Variants in EEIG2 observed in about 807,000 individuals in gnomAD.
EEIG2 encodes family with sequence similarity 102 member B.
the EEIG2 span, among the ~76,000 whole-genome samples, chr1:108,592,895 C>T: frequency 2.0e-5 from 3 of 152,218 alleles, no homozygotes; most frequent in South Asian, 4.2e-4. Context: ...TGGTGGCTCT[C>T]GCCTGTAATC....
At chr1:108,628,199 G>T in the EEIG2 span, 5 of 1,614,004 alleles carry the variant, frequency 3.1e-6, no homozygotes, top group Non-Finnish European at 3.4e-6. Flanking sequence ...TGTTCCAGAC[G>T]AACTTGGTGC....
chr1:108,587,502 G>C, the EEIG2 span, among the ~76,000 whole-genome samples: 1 of 152,062 alleles, frequency 6.6e-6, no homozygotes, highest in East Asian at 1.9e-4. Context: ...ATAATGACAT[G>C]TACCCACCAT....
the EEIG2 span, among the ~76,000 whole-genome samples, chr1:108,565,531 A>C: frequency 6.6e-6 from 1 of 152,238 alleles, no homozygotes; most frequent in Non-Finnish European, 1.5e-5. Context: ...TGGCAGGTTT[A>C]ATTCTGGCCT....
At chr1:108,591,531 G>C in the EEIG2 span, among the ~76,000 whole-genome samples, 4 of 152,288 alleles carry the variant, frequency 2.6e-5, no homozygotes, top group East Asian at 5.8e-4. Context: ...TATAATATTT[G>C]TTTATTTGAA....
At chr1:108,602,457 T>C in the EEIG2 span, among the ~76,000 whole-genome samples, 2 of 152,216 alleles carry the variant, frequency 1.3e-5, no homozygotes, top group Non-Finnish European at 2.9e-5. Context: ...CGTGATTGTT[T>C]TCTCCCTTTG....
the EEIG2 span, among the ~76,000 whole-genome samples, chr1:108,566,516 C>A: frequency 6.6e-6 from 1 of 152,132 alleles, no homozygotes; most frequent in African/African-American, 2.4e-5. Flanking sequence ...GATCCAGCAA[C>A]CCCACTTCTG....
the EEIG2 span, among the ~76,000 whole-genome samples, chr1:108,619,113 C>T: frequency 2.0e-5 from 3 of 152,168 alleles, no homozygotes; most frequent in African/African-American, 7.2e-5. Context: ...TATTCCCTTT[C>T]TTGCCCTTTC....
chr1:108,595,279 AG>A, the EEIG2 span, among the ~76,000 whole-genome samples: 1 of 139,812 alleles, frequency 7.2e-6, no homozygotes. Context: ...GGAGAGAGGG[AG>A]GGAAAGAATA....
At chr1:108,562,014 A>T in the EEIG2 span, among the ~76,000 whole-genome samples, 1 of 152,182 alleles carries the variant, frequency 6.6e-6, no homozygotes, top group Non-Finnish European at 1.5e-5. Context: ...CAAGTCACTT[A>T]TTCTTTCGTT....
At chr1:108,606,241 G>C in the EEIG2 span, 2 of 1,565,648 alleles carry the variant, frequency 1.3e-6, no homozygotes, top group Admixed American at 1.8e-5. Flanking sequence ...AGGTGGAAAA[G>C]CTTATGCAAA....
chr1:108,612,396 T>C, the EEIG2 span: 4 of 724,804 alleles, frequency 5.5e-6, no homozygotes, highest in Non-Finnish European at 6.8e-6. Flanking sequence ...AGTGCTGATA[T>C]GATAAACTGA....
the EEIG2 span, among the ~76,000 whole-genome samples, chr1:108,567,166 A>G: frequency 6.6e-6 from 1 of 152,086 alleles, no homozygotes; most frequent in Non-Finnish European, 1.5e-5. Context: ...AAAATAAAAA[A>G]TTTTTTAATT....
the EEIG2 span, among the ~76,000 whole-genome samples, chr1:108,596,656 T>G: frequency 2.0e-5 from 3 of 152,194 alleles, no homozygotes. Flanking sequence ...GTATGGTAGA[T>G]GCAGTTTCTT....
chr1:108,613,127 A>G, the EEIG2 span, among the ~76,000 whole-genome samples: 3 of 152,238 alleles, frequency 2.0e-5, no homozygotes, highest in African/African-American at 4.8e-5. Context: ...GAAAGGTGGG[A>G]CAGCGAGTTG....
the EEIG2 span, among the ~76,000 whole-genome samples, chr1:108,576,288 T>C: frequency 2.0e-5 from 3 of 152,378 alleles, no homozygotes; most frequent in South Asian, 6.2e-4. Flanking sequence ...TATTGTGCTT[T>C]GCAGATACTG....
the EEIG2 span, chr1:108,612,164 C>G: frequency 1.3e-6 from 2 of 1,579,510 alleles, no homozygotes; most frequent in Admixed American, 3.5e-5. Context: ...ATATAATTCT[C>G]TTTCTTTTCA....
chr1:108,636,546 T>C, the EEIG2 span: 3 of 152,242 alleles, frequency 2.0e-5, no homozygotes, highest in Non-Finnish European at 4.4e-5. Flanking sequence ...TTAGAACTTA[T>C]GTTGCTGTTT....
the EEIG2 span, among the ~76,000 whole-genome samples, chr1:108,596,386 A>G: frequency 6.6e-6 from 1 of 152,188 alleles, no homozygotes; most frequent in South Asian, 2.1e-4. Context: ...ACATGGCCCA[A>G]CAGGGAAGGA....
At chr1:108,613,625 A>G in the EEIG2 span, among the ~76,000 whole-genome samples, 1 of 152,114 alleles carries the variant, frequency 6.6e-6, no homozygotes, top group Non-Finnish European at 1.5e-5. Flanking sequence ...TACTCTTTGA[A>G]GATCATGCCA....
Sources: allele counts gnomAD v4.1 joint callset (sites outside exome capture counted in the v4.1 genomes callset), GRCh38; gene constraint gnomAD v4.1.1; transcripts MANE v1.5; gene names NCBI Gene and HGNC (gene_info 2026-07-23, HGNC 2026-07-21).